The following RANBP2 variants were observed in gnomAD, a reference collection of about 807,000 sequenced individuals.
RANBP2 encodes RAN binding protein 2.
RANBP2 carries 57 observed loss-of-function variants against 303.6 expected under a neutral mutation model. That is an observed-to-expected ratio of 0.19 (90% CI 0.15 to 0.23). The LOEUF (loss-of-function observed/expected upper bound fraction) is 0.23. Ranked by LOEUF, RANBP2 falls within the 10% of genes least tolerant of loss-of-function variation. The probability of loss-of-function intolerance (pLI) is 1.00; values close to 1 mark genes in which losing one functional copy is unlikely to be tolerated. For missense variants in RANBP2, 3,138 were observed against 3,780.8 expected, an observed-to-expected ratio of 0.83 and a Z score of 4.46; for synonymous variants, 1,167 against 1,301.5, an observed-to-expected ratio of 0.90 and a Z score of 2.23.
the RANBP2 span, among the ~76,000 whole-genome samples, chr2:109,654,212 C>A: frequency 1.3e-5 from 2 of 151,934 alleles, no homozygotes; most frequent in African/African-American, 2.4e-5. Context: ...CCACTACCCC[C>A]ACTAACAAGG....
chr2:109,604,429 G>GA, the RANBP2 span, among the ~76,000 whole-genome samples: 1 of 138,990 alleles, frequency 7.2e-6, no homozygotes, highest in African/African-American at 2.6e-5. Flanking sequence ...AAAAAAGAAA[G>GA]AAAGAAAAGA....
At chr2:108,809,815 T>C in the RANBP2 span, among the ~76,000 whole-genome samples, 1 of 152,048 alleles carries the variant, frequency 6.6e-6, no homozygotes, top group Non-Finnish European at 1.5e-5. Context: ...TTTGTTTGTT[T>C]GTTTGTTTGT....
chr2:109,566,922 C>A, the RANBP2 span, among the ~76,000 whole-genome samples: 1 of 152,022 alleles, frequency 6.6e-6, no homozygotes, highest in Non-Finnish European at 1.5e-5. Context: ...TTAATGGTGG[C>A]TTTCTGAATA....
the RANBP2 span, among the ~76,000 whole-genome samples, chr2:109,263,008 A>ATT: frequency 7.4e-5 from 11 of 149,628 alleles, no homozygotes; most frequent in Admixed American, 6.6e-4. Context: ...CGTTTTTTGT[A>ATT]TTTTTTTTTG....
chr2:108,724,691 C>T (rs530865326), intron 1 of RANBP2, among the ~76,000 whole-genome samples: 2 of 151,870 alleles, frequency 1.3e-5, no homozygotes, highest in Non-Finnish European at 2.9e-5. Context: ...TAATTTTTCT[C>T]TTATTCTCCT....
At chr2:109,491,708 G>A in the RANBP2 span, among the ~76,000 whole-genome samples, 5 of 152,170 alleles carry the variant, frequency 3.3e-5, no homozygotes, top group African/African-American at 9.7e-5. Flanking sequence ...AGAGAGATAC[G>A]ATGGCTGTCA....
chr2:109,334,381 T>TA, the RANBP2 span, among the ~76,000 whole-genome samples: 209 of 144,202 alleles, frequency 1.4e-3, no homozygotes, highest in Non-Finnish European at 2.8e-3. Context: ...AAAAAAATCT[T>TA]AAAAAAAAAT....
the RANBP2 span, among the ~76,000 whole-genome samples, chr2:109,206,485 C>T: frequency 1.9e-4 from 16 of 85,446 alleles, no homozygotes; most frequent in East Asian, 4.1e-4. Context: ...AGTGAGACTC[C>T]GTCTCAAAAA....
chr2:109,154,342 G>C, the RANBP2 span, among the ~76,000 whole-genome samples: 2 of 152,172 alleles, frequency 1.3e-5, no homozygotes, highest in Non-Finnish European at 2.9e-5. Context: ...TATCATGGAG[G>C]GGGTGGTTTT....
At chr2:109,744,507 C>T in the RANBP2 span, among the ~76,000 whole-genome samples, 159 of 90,884 alleles carry the variant, frequency 1.7e-3, 15 homozygotes, top group African/African-American at 4.4e-3. Context: ...GTGTAGTTTG[C>T]GAATAGTTTC....
chr2:109,678,526 C>A, the RANBP2 span, among the ~76,000 whole-genome samples: 3 of 152,206 alleles, frequency 2.0e-5, no homozygotes, highest in Non-Finnish European at 4.4e-5. Flanking sequence ...GTTTTTCTAA[C>A]CAGCTTAGCC....
In RANBP2 at chr2:108,782,758, G is replaced by A. The variant is rs780429718; in HGVS notation, c.9265G>A (p.Val3089Ile). Residue 3089 changes from valine (V) to isoleucine (I), a missense_variant, in exon 28 of 29, where the codon GTT becomes ATT. Coordinates refer to ENST00000283195, the MANE Select transcript of RANBP2 (RefSeq NM_006267.5). Reference protein sequence around the residue: ...RITMELFSNIVPRTAENFRAL... With the variant: ...RITMELFSNIIPRTAENFRAL... ...AACTATGGAATTATTTTCAAACATT[G>A]TTCCTCGGACTGCTGAGAACTTCAG... 1 of 1,614,200 alleles carries A rather than the reference G, an allele frequency of 6.2e-7. No individual in the cohort carries two copies.
At chr2:109,027,257 A>C in the RANBP2 span, among the ~76,000 whole-genome samples, 1 of 150,592 alleles carries the variant, frequency 6.6e-6, no homozygotes, top group African/African-American at 2.4e-5. Context: ...AAAAAAAAAA[A>C]AAAAAAACAA....
At chr2:108,870,047 T>C in the RANBP2 span, among the ~76,000 whole-genome samples, 1 of 152,166 alleles carries the variant, frequency 6.6e-6, no homozygotes, top group South Asian at 2.1e-4. Flanking sequence ...AATAATGAAA[T>C]CAGGGAAGTG....
At chr2:109,283,054 G>A in the RANBP2 span, among the ~76,000 whole-genome samples, 1 of 152,210 alleles carries the variant, frequency 6.6e-6, no homozygotes, top group African/African-American at 2.4e-5. Flanking sequence ...CAGACAGAAG[G>A]TAAGTCCAGG....
At chr2:109,651,455 A>G in the RANBP2 span, among the ~76,000 whole-genome samples, 3 of 152,180 alleles carry the variant, frequency 2.0e-5, no homozygotes, top group South Asian at 6.2e-4. Flanking sequence ...ACAAGAGGAG[A>G]ATGAAAGCTG....
the RANBP2 span, among the ~76,000 whole-genome samples, chr2:108,937,497 G>A: frequency 6.6e-6 from 1 of 152,100 alleles, no homozygotes; most frequent in East Asian, 1.9e-4. Context: ...GTATGTGTAT[G>A]TGTATGAATG....
chr2:109,443,207 A>G, the RANBP2 span, among the ~76,000 whole-genome samples: 3 of 152,258 alleles, frequency 2.0e-5, no homozygotes, highest in African/African-American at 7.2e-5. Context: ...TATTTATTTG[A>G]CAAAAGAGAA....
At chr2:109,448,330 G>C in the RANBP2 span, among the ~76,000 whole-genome samples, 3 of 152,162 alleles carry the variant, frequency 2.0e-5, no homozygotes, top group Non-Finnish European at 4.4e-5. Flanking sequence ...TTTAGAGCAG[G>C]AGTCCCCAGC....
Sources: gnomAD v4.1 joint callset for allele counts (sites outside exome capture counted in the v4.1 genomes callset) on GRCh38, gnomAD v4.1.1 for gene constraint, MANE v1.5 for transcripts, NCBI Gene and HGNC (gene_info 2026-07-23, HGNC 2026-07-21) for gene names.